The following KIRREL3 variants were observed in gnomAD, a reference collection of about 807,000 sequenced individuals.
KIRREL3 encodes the protein kirre like nephrin family adhesion molecule 3, also known as kin of IRRE-like protein 3.
In KIRREL3, 36 loss-of-function variants were observed where a neutral mutation model predicts 89.7. The ratio of observed to expected loss-of-function variants is 0.40; its 90% CI spans 0.31 to 0.53. KIRREL3 has a LOEUF of 0.53. Among genes scored for constraint, KIRREL3 ranks in the 20% least tolerant of loss-of-function variants. KIRREL3 has a pLI of 0.49. For synonymous variants in KIRREL3, 445 were observed against 441.4 expected (o/e 1.01, Z -0.10); for missense variants, 864 against 1,056.6 (o/e 0.82, Z 2.53).
At chr11:126,659,387 A>G (rs1260944016) in intron 1 of KIRREL3, among the ~76,000 whole-genome samples, 2 of 152,178 alleles carry the variant, frequency 1.3e-5, no homozygotes, top group Non-Finnish European at 2.9e-5. Flanking sequence ...GAGTTATACT[A>G]TTAGTTATTA....
intron 1 of KIRREL3, among the ~76,000 whole-genome samples, chr11:126,585,144 C>T (rs1307594402): frequency 6.6e-6 from 1 of 150,744 alleles, no homozygotes; most frequent in East Asian, 2.0e-4. Flanking sequence ...TGGTCTCGAT[C>T]TCCTGACCTC....
chr11:126,631,373 G>A (rs538831888), intron 1 of KIRREL3, among the ~76,000 whole-genome samples: 18 of 152,286 alleles, frequency 1.2e-4, no homozygotes, highest in African/African-American at 1.9e-4. Context: ...TATGGCATTC[G>A]CACTGGAATT....
rs926088408 is a variant in KIRREL3, at chr11:126,812,081, A to G, written c.55+188374T>C. The stretch of plus-strand genomic sequence containing the variant: ...GAGAATCTTCAAACTCAATATGCAT[A>G]AGAACAATTTATCCTGATGACCAGA... On this transcript the variant is annotated intron_variant, in intron 1 of 16. Coordinates refer to ENST00000525144, the MANE Select transcript of KIRREL3 (RefSeq NM_032531.4). The surrounding 1 kb of genome is among the most constrained non-coding windows in gnomAD (Gnocchi z 5.2). Among the ~76,000 whole-genome samples, 14 of 152,192 alleles carry G rather than the reference A, an allele frequency of 9.2e-5. No homozygotes were observed. Among genetic ancestry groups the G allele is most frequent in the African/African-American group, 1.9e-4 (8 of 41,428 alleles).
chr11:126,702,724 C>T (rs548822559), intron 1 of KIRREL3, among the ~76,000 whole-genome samples: 1 of 152,236 alleles, frequency 6.6e-6, no homozygotes, highest in Non-Finnish European at 1.5e-5. Context: ...CCAGCCACCT[C>T]CTGGTGCACC....
At position 126,485,401 on chromosome 11, in the gene KIRREL3, A is replaced by AG. The variant is rs1957333485; in HGVS notation, c.434-11936dup. Among the ~76,000 whole-genome samples, 1 of 152,174 alleles carries AG rather than the reference A, an allele frequency of 6.6e-6. No individual in the cohort carries two copies. Among genetic ancestry groups the AG allele is most frequent in the Non-Finnish European group, 1.5e-5 (1 of 68,022 alleles). The stretch of plus-strand genomic sequence containing the variant: ...TTCTCAGCTGGAGCTCATATTGTTT[A>AG]GGGGATAAGAAGGGAGGCCCTGAAG... On this transcript the variant is annotated intron_variant, in intron 4 of 16. Coordinates refer to ENST00000525144, the MANE Select transcript of KIRREL3 (RefSeq NM_032531.4). The surrounding 1 kb of genome is among the most constrained non-coding windows in gnomAD (Gnocchi z 5.8).
rs1290036741 is a variant in KIRREL3, at chr11:126,970,858, T to C, written c.55+29597A>G. ...GAAACACTTGCAAATTAGGATCCAATGAGGCTCACCTGCTGCCAGGTATCT... is the reference window on the plus strand; with the variant it reads ...GAAACACTTGCAAATTAGGATCCAACGAGGCTCACCTGCTGCCAGGTATCT... On this transcript the variant is annotated intron_variant, in intron 1 of 16. Coordinates refer to ENST00000525144, the MANE Select transcript of KIRREL3 (RefSeq NM_032531.4). This position sits in a 1 kb window ranked among gnomAD's most constrained non-coding sequence, Gnocchi z 4.4. 1.3e-5 allele frequency among the ~76,000 whole-genome samples: 2 copies of C among 152,142 alleles called. No homozygotes were observed. The highest frequency in any genetic ancestry group is 2.4e-5 in the African/African-American group (1 of 41,446).
At position 126,791,338 on chromosome 11, in the gene KIRREL3, A is replaced by G. The variant is rs1418039126; in HGVS notation, c.55+209117T>C. On this transcript the variant is annotated intron_variant, in intron 1 of 16. Transcript: ENST00000525144. This position sits in a 1 kb window ranked among gnomAD's most constrained non-coding sequence, Gnocchi z 4.8. Reference sequence around the variant, plus strand: ...GGTGTTATCATAATAGGACATTCCAATTCATCGTCCCTGGCCTGGGCTGCA... The same window carrying G: ...GGTGTTATCATAATAGGACATTCCAGTTCATCGTCCCTGGCCTGGGCTGCA... 6.6e-6 allele frequency among the ~76,000 whole-genome samples: 1 copy of G among 152,204 alleles called. No homozygotes were observed. Among genetic ancestry groups the G allele is most frequent in the East Asian group, 1.9e-4 (1 of 5,188 alleles).
intron 1 of KIRREL3, among the ~76,000 whole-genome samples, chr11:126,873,176 A>G (rs1945164106): frequency 6.6e-6 from 1 of 152,246 alleles, no homozygotes; most frequent in African/African-American, 2.4e-5. Context: ...ATAGCTTGAC[A>G]AGAATGTATT....
rs906315640 is a variant in KIRREL3, at chr11:126,515,589, G to T, written c.433+5726C>A. ...ACACAAGTTAGCCAAGGGAAGAAAGGTAGGAAGGGCACTCCAGGAAGAAAC... is the reference window on the plus strand; with the variant it reads ...ACACAAGTTAGCCAAGGGAAGAAAGTTAGGAAGGGCACTCCAGGAAGAAAC... On this transcript the variant is annotated intron_variant, in intron 4 of 16. Transcript: ENST00000525144. The surrounding 1 kb of genome is among the most constrained non-coding windows in gnomAD (Gnocchi z 4.2). Among the ~76,000 whole-genome samples, 3 of 152,196 alleles carry T rather than the reference G, an allele frequency of 2.0e-5. No individual in the cohort carries two copies. The highest frequency in any genetic ancestry group is 4.4e-5 in the Non-Finnish European group (3 of 68,034).
At position 126,709,427 on chromosome 11, in the gene KIRREL3, A is replaced by G. The variant is rs1245761240; in HGVS notation, c.56-146515T>C. Among the ~76,000 whole-genome samples, 1 of 152,228 alleles carries G rather than the reference A, an allele frequency of 6.6e-6. No individual in the cohort carries two copies. The highest frequency in any genetic ancestry group is 1.5e-5 in the Non-Finnish European group (1 of 68,028). ...GTTCACACCTAACTGGCTAAAGTAC[A>G]GGCAAACACCTGCTAATGAGTGGTG... On this transcript the variant is annotated intron_variant, in intron 1 of 16. Transcript: ENST00000525144. The surrounding 1 kb of genome is among the most constrained non-coding windows in gnomAD (Gnocchi z 4.0).
chr11:126,706,990 A>G (rs1289507518), intron 1 of KIRREL3, among the ~76,000 whole-genome samples: 1 of 149,938 alleles, frequency 6.7e-6, no homozygotes, highest in Admixed American at 6.7e-5. Flanking sequence ...TACATCACAC[A>G]TTTTAAGAGA....
rs1353917158 is a variant in KIRREL3 at position 126,954,194 on chromosome 11, G to T, written c.55+46261C>A. Among the ~76,000 whole-genome samples the T allele has an allele frequency of 6.6e-6, 1 of 151,822 alleles. No individual in the cohort carries two copies. Among genetic ancestry groups the T allele is most frequent in the Admixed American group, 6.6e-5 (1 of 15,250 alleles). On this transcript the variant is annotated intron_variant, in intron 1 of 16. Transcript: ENST00000525144. This position sits in a 1 kb window ranked among gnomAD's most constrained non-coding sequence, Gnocchi z 4.1. ...TCATCACTTATAGGTAAGTACTGGAGGATGTAGCGTTAGCTGCTGCCTGGA... is the reference window on the plus strand; with the variant it reads ...TCATCACTTATAGGTAAGTACTGGATGATGTAGCGTTAGCTGCTGCCTGGA...
At chr11:126,727,160 A>G (rs1314141003) in intron 1 of KIRREL3, among the ~76,000 whole-genome samples, 2 of 152,220 alleles carry the variant, frequency 1.3e-5, no homozygotes, top group South Asian at 2.1e-4. Flanking sequence ...TCATGAAATG[A>G]CTGAGAAACA....
At chr11:126,767,700 C>T (rs755574560) in intron 1 of KIRREL3, among the ~76,000 whole-genome samples, 7 of 152,090 alleles carry the variant, frequency 4.6e-5, no homozygotes, top group African/African-American at 1.2e-4. Flanking sequence ...AATCAGTCAG[C>T]GGATATCTAT....
rs1949766619 is a variant in KIRREL3, at chr11:126,764,736, T to C, written c.56-201824A>G. 6.6e-6 allele frequency among the ~76,000 whole-genome samples: 1 copy of C among 152,282 alleles called. No individual in the cohort carries two copies. Among genetic ancestry groups the C allele is most frequent in the South Asian group, 2.1e-4 (1 of 4,814 alleles). ...TGTTATTGCACACATGAGTGGAACA[T>C]ACTATCCAGCTTCTTAGGGCCTGTG... On this transcript the variant is annotated intron_variant, in intron 1 of 16. Coordinates refer to ENST00000525144, the MANE Select transcript of KIRREL3 (RefSeq NM_032531.4). The surrounding 1 kb of genome is among the most constrained non-coding windows in gnomAD (Gnocchi z 4.2).
intron 6 of KIRREL3, among the ~76,000 whole-genome samples, chr11:126,456,826 G>T (rs959222043): frequency 6.6e-6 from 1 of 152,236 alleles, no homozygotes; most frequent in African/African-American, 2.4e-5. Context: ...TCTCGCTTCA[G>T]TGCAGACTGT....
At chr11:126,716,131 G>A (rs1947951663) in intron 1 of KIRREL3, among the ~76,000 whole-genome samples, 2 of 151,998 alleles carry the variant, frequency 1.3e-5, no homozygotes, top group South Asian at 2.1e-4. Context: ...CAGGAGGGGA[G>A]AAGGAGGAAC....
In KIRREL3 at chr11:126,517,136, A is replaced by AAGAGAGAGAGAGAGAGAGAGAGAG. The variant is rs199586143; in HGVS notation, c.433+4155_433+4178dup. On this transcript the variant is annotated intron_variant, in intron 4 of 16. Coordinates refer to ENST00000525144, the MANE Select transcript of KIRREL3 (RefSeq NM_032531.4). ...TTAGAGATTGAGAGAGAGAGAGAGA[A>AAGAGAGAGAGAGAGAGAGAGAGAG]AGAGAGAGAGAGAGAGAGAGAGAGA... Among the ~76,000 whole-genome samples, 74 of 140,900 alleles carry AAGAGAGAGAGAGAGAGAGAGAGAG rather than the reference A, an allele frequency of 5.3e-4. 1 individual carries two copies. Among genetic ancestry groups the AAGAGAGAGAGAGAGAGAGAGAGAG allele is most frequent in the Non-Finnish European group, 6.4e-4 (41 of 64,518 alleles). 92.4% of individuals were successfully genotyped at this position (140,900 alleles called of 152,430 possible).
chr11:126,971,590 C>T (rs774174880), intron 1 of KIRREL3, among the ~76,000 whole-genome samples: 17 of 152,116 alleles, frequency 1.1e-4, no homozygotes, highest in Admixed American at 2.0e-4. Flanking sequence ...GAGTTCCTGT[C>T]GTGAGAGCAC....
Sources: allele counts gnomAD v4.1 joint callset (sites outside exome capture counted in the v4.1 genomes callset), GRCh38; gene constraint gnomAD v4.1.1; non-coding constraint Gnocchi (gnomAD v3.1); transcripts MANE v1.5; gene names NCBI Gene and HGNC (gene_info 2026-07-23, HGNC 2026-07-21).